PLA2G4A: variants seen among roughly 807,000 people sequenced by gnomAD.
The protein encoded by PLA2G4A is cytosolic phospholipase A2.
Under a neutral mutation model 81.9 loss-of-function variants are expected in PLA2G4A, and 40 were observed. The observed-to-expected ratio is 0.49, with a 90% confidence interval of 0.38 to 0.64. PLA2G4A has a LOEUF of 0.64. PLA2G4A is among the 30% of genes least tolerant of loss of function. The pLI is 0.00. For synonymous variants in PLA2G4A, 302 were observed against 296.9 expected (o/e 1.02, Z -0.18); for missense variants, 715 against 905.1 (o/e 0.79, Z 2.69).
intron 10 of PLA2G4A, among the ~76,000 whole-genome samples, chr1:186,942,301 A>G (rs954942298): frequency 6.6e-6 from 1 of 152,196 alleles, no homozygotes; most frequent in Non-Finnish European, 1.5e-5. Context: ...TGTTTGATCT[A>G]TAACACTTGC....
intron 3 of PLA2G4A, among the ~76,000 whole-genome samples, chr1:186,888,850 TA>T (rs5779307): frequency 0.94 from 142,758 of 151,998 alleles, 67,143 homozygotes; most frequent in East Asian, 1. Context: ...GGAAAATGGT[TA>T]AAAAAAAGAG....
chr1:186,911,299 T>A lies in PLA2G4A; in HGVS notation c.468T>A (p.Thr156=), dbSNP rs760801852. ...FSMALCDQEK[T]FRQQRKEHIR... is the part of the protein sequence containing the mutation. Reference sequence around the variant, plus strand: ...TGGCTCTGTGTGATCAGGAGAAGACTTTCAGACAACAGAGAAAAGAACACA... The same window carrying A: ...TGGCTCTGTGTGATCAGGAGAAGACATTCAGACAACAGAGAAAAGAACACA... The change falls in exon 7 of 18, where the codon ACT becomes ACA. Residue 156 remains threonine (T), a synonymous_variant. Transcript: ENST00000367466. 6.2e-7 allele frequency: 1 copy of A among 1,610,698 alleles called. No homozygotes were observed. The highest frequency in any genetic ancestry group is 1.1e-5 in the South Asian group (1 of 91,020).
intron 15 of PLA2G4A, among the ~76,000 whole-genome samples, chr1:186,966,761 T>C (rs994337967): frequency 1.3e-5 from 2 of 152,172 alleles, no homozygotes; most frequent in Non-Finnish European, 2.9e-5. Context: ...TCCACATATA[T>C]GGTTAAAGTG....
chr1:186,873,123 AAT>A (rs10578509), intron 3 of PLA2G4A, among the ~76,000 whole-genome samples: 22,461 of 151,972 alleles, frequency 0.15, 1,815 homozygotes, highest in South Asian at 0.22. Context: ...TAGAGAAATA[AAT>A]ATAGTGATAA....
intron 2 of PLA2G4A, among the ~76,000 whole-genome samples, chr1:186,865,091 CAT>C (rs34405767): frequency 1.9e-3 from 284 of 147,108 alleles, no homozygotes; most frequent in Middle Eastern, 7.1e-3. Flanking sequence ...AAAATATATA[CAT>C]ATATATATAT....
At chr1:186,973,690 CTA>C (rs1411629779) in intron 15 of PLA2G4A, among the ~76,000 whole-genome samples, 1 of 152,182 alleles carries the variant, frequency 6.6e-6, no homozygotes, top group African/African-American at 2.4e-5. Context: ...TCTGTAAACT[CTA>C]TACAACATTA....
chr1:186,851,332 C>A (rs60068409), intron 1 of PLA2G4A, among the ~76,000 whole-genome samples: 7,738 of 151,900 alleles, frequency 0.051, 650 homozygotes, highest in African/African-American at 0.18. Flanking sequence ...GGCCTAGGAG[C>A]TTTATGTGGA....
intron 5 of PLA2G4A, among the ~76,000 whole-genome samples, chr1:186,902,506 C>T (rs1654581179): frequency 6.6e-6 from 1 of 152,120 alleles, no homozygotes; most frequent in South Asian, 2.1e-4. Flanking sequence ...ATACCACCCC[C>T]CAAAATTTTT....
chr1:186,909,264 G>T (rs1240426888), intron 6 of PLA2G4A, among the ~76,000 whole-genome samples: 21 of 149,976 alleles, frequency 1.4e-4, no homozygotes, highest in Non-Finnish European at 2.7e-4. Flanking sequence ...ATGAGCCACC[G>T]CGCCCGGCCT....
At chr1:186,964,984 C>A (rs1390900367) in intron 14 of PLA2G4A, among the ~76,000 whole-genome samples, 2 of 152,200 alleles carry the variant, frequency 1.3e-5, no homozygotes, top group African/African-American at 4.8e-5. Flanking sequence ...ATTGGCTTCA[C>A]CCTCCATTTA....
chr1:186,939,774 G>A (rs1298068905), intron 9 of PLA2G4A, among the ~76,000 whole-genome samples: 1 of 152,100 alleles, frequency 6.6e-6, no homozygotes. Context: ...ATAATCTAGA[G>A]TTATGATTAT....
intron 7 of PLA2G4A, among the ~76,000 whole-genome samples, chr1:186,924,545 T>C (rs1182956014): frequency 6.6e-6 from 1 of 152,136 alleles, no homozygotes; most frequent in African/African-American, 2.4e-5. Context: ...CAAGTCATAG[T>C]CCTAGGTCCT....
intron 17 of PLA2G4A, among the ~76,000 whole-genome samples, chr1:186,983,464 T>C (rs539221826): frequency 2.6e-5 from 4 of 152,208 alleles, no homozygotes; most frequent in African/African-American, 4.8e-5. Flanking sequence ...CCATGCTGTG[T>C]CAGCCAGCTG....
intron 6 of PLA2G4A, among the ~76,000 whole-genome samples, chr1:186,909,794 T>C (rs1479213121): frequency 6.6e-6 from 1 of 152,160 alleles, no homozygotes; most frequent in Non-Finnish European, 1.5e-5. Context: ...CTTTAAATGA[T>C]CTTTAAAAAG....
intron 10 of PLA2G4A, among the ~76,000 whole-genome samples, chr1:186,941,062 G>A (rs1357654305): frequency 2.8e-5 from 4 of 144,914 alleles, no homozygotes; most frequent in Middle Eastern, 4.0e-3. Context: ...CCAGTGAGCC[G>A]AGATCATGCC....
chr1:186,855,262 C>A (rs190922558), intron 2 of PLA2G4A, among the ~76,000 whole-genome samples: 3 of 151,946 alleles, frequency 2.0e-5, no homozygotes, highest in African/African-American at 4.8e-5. Flanking sequence ...TCAGTCCCCC[C>A]ACTCCTTCTA....
chr1:186,986,725 C>A (rs2102309515), intron 17 of PLA2G4A, among the ~76,000 whole-genome samples: 1 of 152,290 alleles, frequency 6.6e-6, no homozygotes, highest in East Asian at 1.9e-4. Context: ...GATCTCCAAT[C>A]CCCACAAAAC....
At chr1:186,924,222 C>CA (rs1008342248) in intron 7 of PLA2G4A, among the ~76,000 whole-genome samples, 2 of 152,124 alleles carry the variant, frequency 1.3e-5, no homozygotes, top group Non-Finnish European at 2.9e-5. Context: ...AAATAAAGAA[C>CA]AAAAAACATT....
At chr1:186,964,908 G>C (rs1197437264) in intron 14 of PLA2G4A, among the ~76,000 whole-genome samples, 1 of 152,196 alleles carries the variant, frequency 6.6e-6, no homozygotes, top group East Asian at 1.9e-4. Context: ...ACCCTCAAGA[G>C]AGGCAGCCTG....
Sources: gnomAD v4.1 joint callset for allele counts (sites outside exome capture counted in the v4.1 genomes callset) on GRCh38, gnomAD v4.1.1 for gene constraint, MANE v1.5 for transcripts, NCBI Gene and HGNC (gene_info 2026-07-23, HGNC 2026-07-21) for gene names.